The following PLCG2 variants were observed in gnomAD, a reference collection of about 807,000 sequenced individuals.
PLCG2 encodes phospholipase C gamma 2, also known as 1-phosphatidylinositol 4,5-bisphosphate phosphodiesterase gamma-2.
PLCG2 carries 69 observed loss-of-function variants against 175.6 expected under a neutral mutation model. The ratio of observed to expected loss-of-function variants is 0.39; its 90% CI spans 0.32 to 0.48. PLCG2 has a LOEUF of 0.48. Among genes scored for constraint, PLCG2 ranks in the 20% least tolerant of loss-of-function variants. The pLI, the probability that PLCG2 is intolerant of heterozygous loss-of-function variation, is 0.91. For synonymous variants in PLCG2, 827 were observed against 624.0 expected (o/e 1.33, Z -4.85); for missense variants, 1,798 against 1,650.9 (o/e 1.09, Z -1.54).
At chr16:81,816,353 A>G (rs958690362) in intron 2 of PLCG2, among the ~76,000 whole-genome samples, 6 of 152,218 alleles carry the variant, frequency 3.9e-5, no homozygotes, top group Admixed American at 3.3e-4. Flanking sequence ...CCTGGGCAAC[A>G]GAGTAAGGCC....
intron 31 of PLCG2, among the ~76,000 whole-genome samples, chr16:81,947,853 T>C (rs549187197): frequency 6.6e-6 from 1 of 152,164 alleles, no homozygotes; most frequent in Admixed American, 6.5e-5. Context: ...TTGAAAAGAG[T>C]CCCCCAGATA....
In PLCG2 at chr16:81,959,725, G is replaced by C. The variant is rs1190262635; in HGVS notation, c.*1727G>C. 5.4e-6 allele frequency: 1 copy of C among 184,832 alleles called. No homozygotes were observed. The highest frequency in any genetic ancestry group is 6.2e-5 in the Admixed American group (1 of 16,040). The allele number at this position is 184,832 out of a possible 1,614,324, so 11.4% of individuals were successfully genotyped here. On this transcript the variant is annotated 3_prime_UTR_variant, in exon 33 of 33. Coordinates refer to ENST00000564138, the MANE Select transcript of PLCG2 (RefSeq NM_002661.5). Reference sequence around the variant, plus strand: ...AGGTGAGAAAGGCACTGGGATGAGTGCTGCAGGCACTCTGTAGCCAGGGCC... The same window carrying C: ...AGGTGAGAAAGGCACTGGGATGAGTCCTGCAGGCACTCTGTAGCCAGGGCC...
chr16:81,946,532 T>G (rs1457278411), intron 31 of PLCG2, among the ~76,000 whole-genome samples: 1 of 152,088 alleles, frequency 6.6e-6, no homozygotes, highest in Non-Finnish European at 1.5e-5. Context: ...TCCCCATAGT[T>G]TCACTTCAGC....
chr16:81,771,413 G>A (rs572116346), intron 2 of PLCG2, among the ~76,000 whole-genome samples: 1 of 152,158 alleles, frequency 6.6e-6, no homozygotes, highest in Admixed American at 6.5e-5. Context: ...ACACAGCCTT[G>A]TTTTAGACAA....
intron 7 of PLCG2, among the ~76,000 whole-genome samples, chr16:81,873,847 A>T (rs1212436361): frequency 6.6e-6 from 1 of 152,214 alleles, no homozygotes; most frequent in Non-Finnish European, 1.5e-5. Context: ...CCATTCATTG[A>T]TGGTTTCCAC....
At chr16:81,749,601 G>T (rs532010635) in intron 1 of PLCG2, among the ~76,000 whole-genome samples, 4 of 152,252 alleles carry the variant, frequency 2.6e-5, no homozygotes, top group South Asian at 2.1e-4. Context: ...TGATCCATCC[G>T]CCTTGGCCTC....
At chr16:81,858,076 C>A (rs1428651187) in intron 3 of PLCG2, 187 bp from the exon 4 acceptor site, 4 of 558,182 alleles carry the variant, frequency 7.2e-6, no homozygotes, top group East Asian at 5.7e-5. Context: ...ATGTGTGGCC[C>A]CATCTCAGAC....
chr16:81,789,844 G>T (rs1232149839), intron 2 of PLCG2, among the ~76,000 whole-genome samples: 48 of 132,726 alleles, frequency 3.6e-4, no homozygotes, highest in East Asian at 1.6e-3. Flanking sequence ...TCCCACCTTT[G>T]CCCCCCCTCC....
At chr16:81,749,538 G>C (rs1909765790) in intron 1 of PLCG2, among the ~76,000 whole-genome samples, 1 of 152,058 alleles carries the variant, frequency 6.6e-6, no homozygotes, top group Admixed American at 6.6e-5. Flanking sequence ...ATTTTTAGTA[G>C]AGACGAGGTT....
chr16:81,933,622 C>A (rs1280515001), intron 25 of PLCG2, among the ~76,000 whole-genome samples: 1 of 151,216 alleles, frequency 6.6e-6, no homozygotes, highest in Non-Finnish European at 1.5e-5. Context: ...CCAGGCTACT[C>A]AACTTCTTTG....
chr16:81,805,249 C>T (rs923299900), intron 2 of PLCG2, among the ~76,000 whole-genome samples: 1 of 152,092 alleles, frequency 6.6e-6, no homozygotes, highest in Admixed American at 6.6e-5. Context: ...CCTGTAATCC[C>T]AGCACTTTGG....
chr16:81,866,685 C>G (rs954673311), intron 5 of PLCG2, among the ~76,000 whole-genome samples: 1 of 139,920 alleles, frequency 7.1e-6, no homozygotes, highest in African/African-American at 2.6e-5. Context: ...GGACGCTGGC[C>G]TCTCCCTTGC....
intron 2 of PLCG2, among the ~76,000 whole-genome samples, chr16:81,834,309 C>G (rs1432033254): frequency 6.6e-6 from 1 of 152,054 alleles, no homozygotes; most frequent in Non-Finnish European, 1.5e-5. Context: ...TGAACTTGAC[C>G]TCGGAGGGCT....
upstream of PLCG2, among the ~76,000 whole-genome samples, chr16:81,777,738 G>C (rs1400594620): frequency 6.6e-6 from 1 of 151,896 alleles, no homozygotes; most frequent in African/African-American, 2.4e-5. Context: ...ATAACAGGCC[G>C]GGTGCAGTGG....
chr16:81,858,547 C>T (rs1476070275), intron 4 of PLCG2, among the ~76,000 whole-genome samples, 191 bp downstream of exon 4: 1 of 152,094 alleles, frequency 6.6e-6, no homozygotes, highest in Non-Finnish European at 1.5e-5. Flanking sequence ...AGAGCATTTC[C>T]CTGTGCTAGT....
At chr16:81,897,955 C>A (rs1908971686) in intron 13 of PLCG2, 1 of 436,812 alleles carries the variant, frequency 2.3e-6, no homozygotes, top group Middle Eastern at 3.3e-4. Context: ...GAAAACCTTT[C>A]AATGAAGGCA....
At chr16:81,819,953 T>C (rs900779185) in intron 2 of PLCG2, among the ~76,000 whole-genome samples, 1 of 152,210 alleles carries the variant, frequency 6.6e-6, no homozygotes, top group Non-Finnish European at 1.5e-5. Flanking sequence ...AGATTCATTC[T>C]AGAACCTTTG....
intron 7 of PLCG2, among the ~76,000 whole-genome samples, chr16:81,873,003 T>C (rs1907593469): frequency 6.6e-6 from 1 of 152,242 alleles, no homozygotes; most frequent in Admixed American, 6.5e-5. Context: ...GGAGGGCCAT[T>C]TCCTATCTGC....
chr16:81,776,064 G>C (rs1483131575), upstream of PLCG2, among the ~76,000 whole-genome samples: 1 of 57,198 alleles, frequency 1.7e-5, no homozygotes, highest in South Asian at 8.6e-4. Context: ...AACCCACAGA[G>C]TGGTTTCTTT....
Sources: gnomAD v4.1 joint callset for allele counts (sites outside exome capture counted in the v4.1 genomes callset) on GRCh38, gnomAD v4.1.1 for gene constraint, MANE v1.5 for transcripts, NCBI Gene and HGNC (gene_info 2026-07-23, HGNC 2026-07-21) for gene names.